The following ANK2 variants were observed in gnomAD, a reference collection of about 807,000 sequenced individuals.
ANK2 encodes the protein ankyrin-2.
ANK2 carries 83 observed loss-of-function variants against 360.5 expected under a neutral mutation model. The ratio of observed to expected loss-of-function variants is 0.23; its 90% CI spans 0.19 to 0.28. ANK2 has a LOEUF of 0.28. Among genes scored for constraint, ANK2 ranks in the 10% least tolerant of loss-of-function variants. The pLI is 1.00. For missense variants in ANK2, 4,201 were observed against 4,795.7 expected (o/e 0.88, Z 3.66); for synonymous variants, 1,740 against 1,759.5 (o/e 0.99, Z 0.28).
At chr4:113,044,686 T>G (rs2063826918), upstream of ANK2, among the ~76,000 whole-genome samples, 1 of 152,126 alleles carries the variant, frequency 6.6e-6, no homozygotes, top group Non-Finnish European at 1.5e-5. Flanking sequence ...TGGCATCCCT[T>G]GCCTTGTAGC....
intron 1 of ANK2, among the ~76,000 whole-genome samples, chr4:113,108,511 C>G (rs151049588): frequency 2.5e-4 from 38 of 152,136 alleles, no homozygotes; most frequent in Non-Finnish European, 5.1e-4. Context: ...TATAACTTTA[C>G]TAGTGGGAGA....
At chr4:112,801,443 C>T in the ANK2 span, among the ~76,000 whole-genome samples, 1 of 152,144 alleles carries the variant, frequency 6.6e-6, no homozygotes, top group Non-Finnish European at 1.5e-5. Flanking sequence ...CAAAGGTGAA[C>T]TGATCCTGTG....
At chr4:112,966,716 A>G (rs1053748272) in intron 2 of ANK2, among the ~76,000 whole-genome samples, 3 of 152,208 alleles carry the variant, frequency 2.0e-5, no homozygotes, top group Non-Finnish European at 2.9e-5. Context: ...GATCATGGAT[A>G]TAGAAAAGAT....
the ANK2 span, among the ~76,000 whole-genome samples, chr4:112,806,803 C>T: frequency 2.0e-5 from 3 of 152,066 alleles, no homozygotes; most frequent in Admixed American, 2.0e-4. Flanking sequence ...TGTACTCCAG[C>T]CTAGGTGACA....
At chr4:113,048,577 A>T (rs2065589882), upstream of ANK2, among the ~76,000 whole-genome samples, 3 of 151,392 alleles carry the variant, frequency 2.0e-5, no homozygotes, top group Non-Finnish European at 4.4e-5. Flanking sequence ...CCAGCCTACA[A>T]GTTAATATTT....
chr4:113,357,436 G>A lies in ANK2; in HGVS notation c.8818G>A (p.Glu2940Lys), dbSNP rs1326054690. The stretch of plus-strand genomic sequence containing the variant: ...CCCTTCCCAATCTTTTTTCTCTAGT[G>A]AAGAAAGCAAAACCCAAACAGATGC... ...NVPSQSFFSS[E>K]ESKTQTDANH... Residue 2940 changes from glutamate (E) to lysine (K), a missense_variant, in exon 38 of 46, where the codon GAA (glutamate) becomes AAA (lysine). Transcript: ENST00000357077. 7 of 1,613,902 alleles carry A rather than the reference G, an allele frequency of 4.3e-6. No individual in the cohort carries two copies. Among genetic ancestry groups the A allele is most frequent in the East Asian group, 2.2e-5 (1 of 44,888 alleles).
chr4:112,714,702 G>A, the ANK2 span, among the ~76,000 whole-genome samples: 7 of 152,038 alleles, frequency 4.6e-5, no homozygotes, highest in Admixed American at 1.3e-4. Flanking sequence ...TTTCTAAATC[G>A]GCTACATTGA....
intron 2 of ANK2, among the ~76,000 whole-genome samples, chr4:113,186,560 GTC>G (rs932864935): frequency 2.5e-3 from 181 of 71,288 alleles, no homozygotes; most frequent in Admixed American, 2.4e-3. Context: ...ATCTTCCCGT[GTC>G]TCTCTCTCTC....
intron 37 of ANK2, 86 bp from the exon 38 acceptor site, chr4:113,352,959 C>T (rs1470412891): frequency 1.7e-5 from 25 of 1,481,122 alleles, no homozygotes; most frequent in Middle Eastern, 2.3e-4. Context: ...CAGGAAAAGA[C>T]GCTGTGTCGT....
At chr4:112,981,901 A>G (rs1160563310) in intron 2 of ANK2, among the ~76,000 whole-genome samples, 2 of 152,210 alleles carry the variant, frequency 1.3e-5, no homozygotes, top group African/African-American at 2.4e-5. Context: ...TTCAACAATC[A>G]TAAGATACAA....
chr4:112,723,484 C>G, the ANK2 span, among the ~76,000 whole-genome samples: 6 of 152,170 alleles, frequency 3.9e-5, no homozygotes, highest in African/African-American at 1.4e-4. Flanking sequence ...CTGCCTCAGC[C>G]TCCTGAGTAG....
chr4:112,721,214 G>A, the ANK2 span, among the ~76,000 whole-genome samples: 1 of 152,066 alleles, frequency 6.6e-6, no homozygotes, highest in African/African-American at 2.4e-5. Flanking sequence ...AGATAATGGA[G>A]GCTCCTTTAT....
In ANK2 at chr4:112,843,093, A is replaced by G. The variant is rs191898918; in HGVS notation, c.-40+24829A>G. Among the ~76,000 whole-genome samples the G allele has an allele frequency of 1.2e-3, 178 of 152,288 alleles. 1 individual carries two copies. Among genetic ancestry groups the G allele is most frequent in the Non-Finnish European group, 1.9e-3 (130 of 68,016 alleles). On this transcript the variant is annotated intron_variant, in intron 1 of 30. Coordinates refer to the ANK2 transcript ENST00000503271. Reference sequence around the variant, plus strand: ...AGGAGCCTTGTATTACATTGGGTCCACCTGGACAATCCAGGATAACCTCCC... The same window carrying G: ...AGGAGCCTTGTATTACATTGGGTCCGCCTGGACAATCCAGGATAACCTCCC...
intron 1 of ANK2, chr4:113,117,465 G>C (rs777053305): frequency 8.8e-6 from 4 of 452,948 alleles, no homozygotes; most frequent in South Asian, 6.2e-5. Flanking sequence ...GCTCTGTGTA[G>C]CACCATCAGC....
chr4:113,036,073 G>A (rs914584552), intron 2 of ANK2, among the ~76,000 whole-genome samples: 4 of 151,712 alleles, frequency 2.6e-5, no homozygotes, highest in African/African-American at 7.3e-5. Flanking sequence ...AGTCTCATAC[G>A]TCTTCCAATG....
chr4:112,840,131 A>C (rs1411742666), intron 1 of ANK2, among the ~76,000 whole-genome samples: 1 of 152,202 alleles, frequency 6.6e-6, no homozygotes, highest in African/African-American at 2.4e-5. Flanking sequence ...CTTTAGATCA[A>C]ACATCTCTGC....
At chr4:113,378,136 T>C in intron 45 of ANK2, 1 of 1,282,036 alleles carries the variant, frequency 7.8e-7, no homozygotes, top group Non-Finnish European at 1.0e-6. Context: ...TTACCCAGTT[T>C]AGTAGAGAAT....
chr4:113,216,912 G>T (rs1005494146), intron 4 of ANK2: 2 of 151,866 alleles, frequency 1.3e-5, no homozygotes, highest in Non-Finnish European at 2.9e-5. Context: ...TAAAGGAAAG[G>T]CTTGCTATAG....
intron 2 of ANK2, among the ~76,000 whole-genome samples, chr4:112,987,952 A>G (rs1307600421): frequency 2.0e-5 from 3 of 152,168 alleles, no homozygotes; most frequent in Non-Finnish European, 4.4e-5. Context: ...GCAACGGCAT[A>G]AGATATAGAA....
Sources: gnomAD v4.1 joint callset for allele counts (sites outside exome capture counted in the v4.1 genomes callset) on GRCh38, gnomAD v4.1.1 for gene constraint, MANE v1.5 for transcripts, NCBI Gene and HGNC (gene_info 2026-07-23, HGNC 2026-07-21) for gene names.